The following EEF1D variants were observed in gnomAD, a reference collection of about 807,000 sequenced individuals.
EEF1D encodes the protein elongation factor 1-delta.
Under a neutral mutation model 63.9 loss-of-function variants are expected in EEF1D, and 47 were observed. The observed-to-expected ratio is 0.74, with a 90% CI of 0.58 to 0.94. The LOEUF (loss-of-function observed/expected upper bound fraction) is 0.94. Ranked by LOEUF, EEF1D falls within the 40% of genes least tolerant of loss-of-function variation. The pLI is 0.00. For missense variants in EEF1D, 907 were observed against 899.0 expected (o/e 1.01, Z -0.11); for synonymous variants, 412 against 386.1 (o/e 1.07, Z -0.79).
intron 3 of EEF1D, 51 bp downstream of exon 3, chr8:143,588,940 T>A: frequency 1.3e-6 from 2 of 1,550,520 alleles, no homozygotes; most frequent in African/African-American, 2.7e-5. Flanking sequence ...GGGATGGCTG[T>A]CCCTGTGCCC....
intron 2 of EEF1D, among the ~76,000 whole-genome samples, chr8:143,592,389 G>T (rs1483685908): frequency 6.6e-6 from 1 of 151,804 alleles, no homozygotes; most frequent in Non-Finnish European, 1.5e-5. Context: ...ACTGCCACCT[G>T]TTCCCTGCAG....
At chr8:143,588,949 C>A in intron 3 of EEF1D, 42 bp downstream of exon 3, 1 of 1,566,684 alleles carries the variant, frequency 6.4e-7, no homozygotes, top group Non-Finnish European at 8.6e-7. Flanking sequence ...GTCCCTGTGC[C>A]CACAGCCCAG....
Position 143,589,751 on chromosome 8 carries a change from C to A in EEF1D, c.331G>T (p.Val111Leu). Reference protein sequence around the residue: ...LALLGLSAERVWLDKSLFDQA... With the variant: ...LALLGLSAERLWLDKSLFDQA... ...TCGAAAAGTGACTTGTCCAGCCACA[C>A]GCGTTCGGCCGAGAGGCCCAGGAGG... is the stretch of plus-strand genomic sequence containing the variant. The change falls in exon 3 of 10, where the codon GTG (valine) becomes TTG (leucine). Residue 111 changes from valine to leucine, a missense_variant. Val to Leu is a conservative substitution (Grantham distance 32, BLOSUM62 1). Transcript: ENST00000618139. 7 of 1,532,450 alleles carry A rather than the reference C, an allele frequency of 4.6e-6. No individual in the cohort carries two copies. The highest frequency in any genetic ancestry group is 6.1e-6 in the Non-Finnish European group (7 of 1,140,726). 94.9% of individuals were successfully genotyped at this position (1,532,450 alleles called of 1,614,324 possible).
At chr8:143,586,589 G>C in intron 4 of EEF1D, 140 bp downstream of exon 4, 4 of 1,280,842 alleles carry the variant, frequency 3.1e-6, no homozygotes, top group South Asian at 2.9e-5. Flanking sequence ...CCTGCCCCGA[G>C]ACCCCACTCC....
chr8:143,592,328 G>C, intron 2 of EEF1D: 1 of 966,554 alleles, frequency 1.0e-6, no homozygotes, highest in Non-Finnish European at 1.2e-6. Context: ...CCGGGCAGAA[G>C]CCGCCGCTCA....
rs375083833 is a variant in EEF1D at position 143,581,160 on chromosome 8, G to A, written c.1388-6C>T. 14 of 1,612,844 alleles carry A rather than the reference G, an allele frequency of 8.7e-6. No individual in the cohort carries two copies. The African/African-American group carries it at 1.7e-4, about 20-fold the overall frequency. On this transcript the variant is annotated splice_region_variant and splice_polypyrimidine_tract_variant and intron_variant, in intron 6 of 9. Transcript: ENST00000618139. The stretch of plus-strand genomic sequence containing the variant: ...CTGCTGCAGCTCCTGTACCACTGGG[G>A]GGGCAAGGGGAGCACGGTTAGATGG...
In EEF1D at chr8:143,589,085, C is replaced by T. The variant is rs1317091206; in HGVS notation, c.997G>A (p.Glu333Lys). The change falls in exon 3 of 10, where the codon GAG becomes AAG. Residue 333 changes from glutamate to lysine, a missense_variant. Glu to Lys is a moderately conservative substitution (Grantham distance 56). Transcript: ENST00000618139. ...DSAECRHHAA[E>K]ALRVAWCLEA... is the part of the protein sequence containing the mutation. ...AGGCACCAGGCCACCCGCAGGGCCT[C>T]GGCAGCGTGGTGGCGGCACTCGGCG... The T allele has an allele frequency of 5.0e-6, 8 of 1,609,314 alleles. No homozygotes were observed. Among genetic ancestry groups the T allele is most frequent in the East Asian group, 4.5e-5 (2 of 44,804 alleles).
chr8:143,592,399 G>A (rs1340573391), intron 2 of EEF1D, among the ~76,000 whole-genome samples: 2 of 151,926 alleles, frequency 1.3e-5, no homozygotes, highest in East Asian at 1.9e-4. Context: ...GTTCCCTGCA[G>A]GGAGCCGCAT....
In EEF1D at chr8:143,589,044, C is replaced by G; in HGVS notation, c.1038G>C (p.Leu346=). ...CAGACCGAGGACCGGGTCGGTGAGA[C>G]AGGGAGGCAGCTTCGAGGCACCAGG... ...RVAWCLEAAS[L]SHRPGPRSGL... is the part of the protein sequence containing the mutation. The change falls in exon 3 of 10, where the codon CTG becomes CTC. Residue 346 remains leucine, a synonymous_variant. Transcript: ENST00000618139. 6.2e-7 allele frequency: 1 copy of G among 1,605,562 alleles called. No individual in the cohort carries two copies. Among genetic ancestry groups the G allele is most frequent in the Non-Finnish European group, 8.5e-7 (1 of 1,179,550 alleles).
chr8:143,592,836 G>A (rs1240078715), intron 1 of EEF1D, 176 bp from the exon 2 acceptor site: 1 of 295,566 alleles, frequency 3.4e-6, no homozygotes, highest in African/African-American at 2.3e-5. Context: ...CAGACCCGCC[G>A]CCACCACAAT....
intron 1 of EEF1D, among the ~76,000 whole-genome samples, chr8:143,595,037 C>T (rs1488049377): frequency 3.3e-5 from 5 of 152,162 alleles, no homozygotes; most frequent in African/African-American, 1.2e-4. Context: ...TCCCAAGTAG[C>T]TGGGACTACA....
chr8:143,579,939 T>C lies in EEF1D; in HGVS notation c.1905+73A>G, dbSNP rs923260323. ...CTCTGGGACTCGCTCCCCACTGCCG[T>C]GGGGTGGAGTGCAGGGTATGGGCCA... On this transcript the variant is annotated intron_variant, in intron 9 of 9. Coordinates refer to ENST00000618139, the MANE Select transcript of EEF1D (RefSeq NM_001130053.5). 14 of 1,563,036 alleles carry C rather than the reference T, an allele frequency of 9.0e-6. 1 individual carries two copies. In the African/African-American group the frequency reaches 1.6e-4, roughly 18 times the overall value.
At position 143,580,697 on chromosome 8, in the gene EEF1D, G is replaced by T. The variant is rs746345509; in HGVS notation, c.1519C>A (p.Pro507Thr). The change falls in exon 8 of 10, where the codon CCA becomes ACA. Residue 507 changes from proline to threonine, a missense_variant. Physicochemically the swap from Pro to Thr is conservative, Grantham distance 38. Transcript: ENST00000618139. ...GCTGGTGTGGCTGGCTTCTTGGCTGGGGGCTCCACTTGGCGCATGGGAGAT... is the reference window on the plus strand; with the variant it reads ...GCTGGTGTGGCTGGCTTCTTGGCTGTGGGCTCCACTTGGCGCATGGGAGAT... ...HVSPMRQVEP[P>T]AKKPATPAED... 2.9e-5 allele frequency: 47 copies of T among 1,613,698 alleles called. 1 individual carries two copies. The highest frequency in any genetic ancestry group is 9.9e-5 in the South Asian group (9 of 91,078).
At chr8:143,592,318 C>A in intron 2 of EEF1D, 1 of 974,158 alleles carries the variant, frequency 1.0e-6, no homozygotes, top group Non-Finnish European at 1.2e-6. Flanking sequence ...CTTGGGGGCT[C>A]CGGGCAGAAG....
chr8:143,593,845 C>A, intron 1 of EEF1D: 1 of 985,396 alleles, frequency 1.0e-6, no homozygotes. Context: ...CTCATTTCCC[C>A]GCTTCCCGCA....
chr8:143,591,463 G>C (rs1827940951), intron 2 of EEF1D, among the ~76,000 whole-genome samples: 1 of 152,236 alleles, frequency 6.6e-6, no homozygotes, highest in South Asian at 2.1e-4. Context: ...TTGGGATGCA[G>C]GTCAGCACCC....
At position 143,580,601 on chromosome 8, in the gene EEF1D, G is replaced by C; in HGVS notation, c.1615C>G (p.Gln539Glu). The C allele has an allele frequency of 6.2e-7, 1 of 1,613,754 alleles. No individual in the cohort carries two copies. The highest frequency in any genetic ancestry group is 8.5e-7 in the Non-Finnish European group (1 of 1,179,900). The change falls in exon 8 of 10, where the codon CAG (glutamine) becomes GAG (glutamate). Residue 539 changes from glutamine (Q) to glutamate (E), a missense_variant. Physicochemically the swap from Gln to Glu is conservative, Grantham distance 29. Transcript: ENST00000618139. ...TGCCGTAGCCGCTCCTCCCGCAGCTGTGCCGCCTCCTTGTCCTCCTCCTCA... is the reference window on the plus strand; with the variant it reads ...TGCCGTAGCCGCTCCTCCCGCAGCTCTGCCGCCTCCTTGTCCTCCTCCTCA... ...DNEEEDKEAA[Q>E]LREERLRQYA...
intron 3 of EEF1D, 102 bp from the exon 4 acceptor site, chr8:143,586,954 G>A: frequency 2.0e-6 from 3 of 1,499,636 alleles, no homozygotes; most frequent in African/African-American, 2.8e-5. Flanking sequence ...ACCCGCTTCA[G>A]ACACCAGCGG....
chr8:143,595,107 G>A (rs1828585268), intron 1 of EEF1D, among the ~76,000 whole-genome samples: 2 of 151,884 alleles, frequency 1.3e-5, no homozygotes, highest in South Asian at 4.2e-4. Flanking sequence ...GCCTCACTCT[G>A]TCACCAGGCT....
Sources: allele counts gnomAD v4.1 joint callset (sites outside exome capture counted in the v4.1 genomes callset), GRCh38; gene constraint gnomAD v4.1.1; transcripts MANE v1.5; gene names NCBI Gene and HGNC (gene_info 2026-07-23, HGNC 2026-07-21).